Variants in DNAH11 observed in about 807,000 individuals in gnomAD.
The protein encoded by DNAH11 is dynein axonemal heavy chain 11.
In DNAH11, 442 loss-of-function variants were observed where a neutral mutation model predicts 526.0. The observed-to-expected ratio is 0.84, with a 90% confidence interval of 0.78 to 0.91. The LOEUF is 0.91. Among genes scored for constraint, DNAH11 ranks in the 40% least tolerant of loss-of-function variants. The pLI, the probability that DNAH11 is intolerant of heterozygous loss-of-function variation, is 0.00. For synonymous variants in DNAH11, 2,461 were observed against 1,935.9 expected (o/e 1.27, Z -7.12); for missense variants, 6,989 against 5,448.7 (o/e 1.28, Z -8.90).
intron 30 of DNAH11, among the ~76,000 whole-genome samples, chr7:21,672,046 C>A (rs189271246): frequency 4.6e-5 from 7 of 152,266 alleles, no homozygotes; most frequent in South Asian, 2.1e-4. Flanking sequence ...GGGACTTGGT[C>A]TCTTTGTCAT....
At chr7:21,608,975 G>A (rs766544396) in intron 20 of DNAH11, among the ~76,000 whole-genome samples, 4 of 152,168 alleles carry the variant, frequency 2.6e-5, no homozygotes, top group Admixed American at 6.5e-5. Flanking sequence ...AAAGGCATAT[G>A]TATTATTGTT....
intron 34 of DNAH11, among the ~76,000 whole-genome samples, 172 bp downstream of exon 34, chr7:21,687,699 T>A (rs1035790554): frequency 9.2e-5 from 14 of 152,178 alleles, no homozygotes; most frequent in African/African-American, 3.1e-4. Context: ...TTATTAGTGG[T>A]TTCTAAGTGT....
At chr7:21,716,604 A>C (rs760762153) in intron 42 of DNAH11, among the ~76,000 whole-genome samples, 11 of 152,136 alleles carry the variant, frequency 7.2e-5, no homozygotes, top group Non-Finnish European at 1.3e-4. Context: ...AGATACAAAG[A>C]TTCCACTTTC....
rs138244029 is a variant in DNAH11, at chr7:21,637,124, T to C, written c.4726-487T>C. ...AGAAAAAATAGATTGTTTATATCTC[T>C]CTCATTTTTATATGTAGGTATGCTT... is the stretch of plus-strand genomic sequence containing the variant. On this transcript the variant is annotated intron_variant, in intron 26 of 81. Coordinates refer to ENST00000409508, the MANE Select transcript of DNAH11 (RefSeq NM_001277115.2). Among the ~76,000 whole-genome samples, 3 of 152,266 alleles carry C rather than the reference T, an allele frequency of 2.0e-5. No homozygotes were observed. In the East Asian group the frequency reaches 5.8e-4, roughly 29 times the overall value.
At chr7:21,896,692 G>C (rs1562609851) in intron 79 of DNAH11, among the ~76,000 whole-genome samples, 1 of 152,140 alleles carries the variant, frequency 6.6e-6, no homozygotes, top group Non-Finnish European at 1.5e-5. Context: ...TCTTTCGGCT[G>C]TATACTTGTA....
At chr7:21,618,627 T>G (rs1785897697) in intron 23 of DNAH11, among the ~76,000 whole-genome samples, 2 of 152,182 alleles carry the variant, frequency 1.3e-5, no homozygotes, top group Admixed American at 6.5e-5. Context: ...TAAGACTATT[T>G]TTTTTGCCAA....
chr7:21,873,626 G>A, intron 74 of DNAH11, 125 bp downstream of exon 74: 1 of 888,862 alleles, frequency 1.1e-6, no homozygotes, highest in African/African-American at 1.7e-5. Context: ...TTCGCATGTG[G>A]AAGGGTAGGG....
At chr7:21,895,877 C>T (rs1341057536) in intron 79 of DNAH11, among the ~76,000 whole-genome samples, 1 of 152,132 alleles carries the variant, frequency 6.6e-6, no homozygotes, top group East Asian at 1.9e-4. Context: ...CTACAGGCGC[C>T]CGCCACCACA....
chr7:21,800,039 A>G (rs181560995), intron 61 of DNAH11, among the ~76,000 whole-genome samples: 3,232 of 152,306 alleles, frequency 0.021, 119 homozygotes, highest in African/African-American at 0.073. Context: ...TAGTCAAAAA[A>G]GGCACAAAGA....
chr7:21,825,907 C>G (rs537572493), intron 65 of DNAH11, among the ~76,000 whole-genome samples: 1 of 148,202 alleles, frequency 6.7e-6, no homozygotes, highest in South Asian at 2.1e-4. Flanking sequence ...CGCAGTGAGC[C>G]AAGATGGTGC....
chr7:21,803,773 G>A (rs1013805043), intron 62 of DNAH11, among the ~76,000 whole-genome samples: 2 of 151,000 alleles, frequency 1.3e-5, no homozygotes, highest in African/African-American at 4.9e-5. Flanking sequence ...GTCTGGAAAA[G>A]TGGGGAATGG....
In DNAH11 at chr7:21,558,778, TTAAC is replaced by T; in HGVS notation, c.496-21_496-18del. 1 of 1,528,338 alleles carries T rather than the reference TTAAC, an allele frequency of 6.5e-7. No homozygotes were observed. The highest frequency in any genetic ancestry group is 2.3e-5 in the East Asian group (1 of 43,488). The allele number at this position is 1,528,338 out of a possible 1,614,324, so 94.7% of individuals were successfully genotyped here. A position where few individuals can be genotyped will look rare whatever the true frequency, so the allele number is the denominator to read the frequency against. ...AGGAATGCATTGTCTGTAAATTAAT[TTAAC>T]TATGTTTCTCTTTCTCTAGATTTTA... is the stretch of plus-strand genomic sequence containing the variant. On this transcript the variant is annotated intron_variant, in intron 2 of 81. Transcript: ENST00000409508.
chr7:21,872,428 T>G (rs1783539873), intron 73 of DNAH11, among the ~76,000 whole-genome samples: 1 of 152,214 alleles, frequency 6.6e-6, no homozygotes, highest in African/African-American at 2.4e-5. Context: ...TCTGTATTTT[T>G]GTAGCTGTTA....
At chr7:21,726,860 C>CA (rs1166791175) in intron 45 of DNAH11, among the ~76,000 whole-genome samples, 139 of 13,806 alleles carry the variant, frequency 0.01, 27 homozygotes, top group South Asian at 0.02. Context: ...GACTCTGTCT[C>CA]AAAAAAAAAA....
At chr7:21,702,106 C>A (rs1784088414) in intron 36 of DNAH11, among the ~76,000 whole-genome samples, 1 of 152,112 alleles carries the variant, frequency 6.6e-6, no homozygotes, top group Non-Finnish European at 1.5e-5. Context: ...CAATTGTATC[C>A]AATCTCAGAA....
chr7:21,678,140 T>C (rs1782977887), intron 30 of DNAH11, among the ~76,000 whole-genome samples: 1 of 152,052 alleles, frequency 6.6e-6, no homozygotes, highest in African/African-American at 2.4e-5. Context: ...CAAAAAATCA[T>C]TGTCAAGACC....
At chr7:21,594,055 T>TAC (rs746527002) in intron 14 of DNAH11, among the ~76,000 whole-genome samples, 65 of 77,750 alleles carry the variant, frequency 8.4e-4, no homozygotes, top group African/African-American at 2.1e-3. Context: ...CACTCTTTCA[T>TAC]ACACACATAC....
intron 66 of DNAH11, chr7:21,851,654 G>T (rs1319571785): frequency 2.1e-6 from 1 of 471,208 alleles, no homozygotes; most frequent in East Asian, 7.0e-5. Context: ...AAAACTCAAA[G>T]AAGTGTAGAG....
At chr7:21,734,060 C>G (rs541677703) in intron 45 of DNAH11, among the ~76,000 whole-genome samples, 1 of 152,302 alleles carries the variant, frequency 6.6e-6, no homozygotes, top group East Asian at 1.9e-4. Flanking sequence ...GGCAGCCTGG[C>G]TCCAGAGTCC....
Sources: allele counts gnomAD v4.1 joint callset (sites outside exome capture counted in the v4.1 genomes callset), GRCh38; gene constraint gnomAD v4.1.1; transcripts MANE v1.5; gene names NCBI Gene and HGNC (gene_info 2026-07-23, HGNC 2026-07-21).